FHIT: variants seen among roughly 807,000 people sequenced by gnomAD.
The protein encoded by FHIT is bis(5'-adenosyl)-triphosphatase.
Under a neutral mutation model 17.9 loss-of-function variants are expected in FHIT, and 19 were observed. The observed-to-expected ratio is 1.06, with a 90% CI of 0.74 to 1.56. The LOEUF (loss-of-function observed/expected upper bound fraction) is 1.56, where lower values mean the gene tolerates loss of function less well. Ranked by LOEUF, FHIT falls within the 40% of genes most tolerant of loss-of-function variation. FHIT has a pLI of 0.00. For missense variants in FHIT, 248 were observed against 189.2 expected (o/e 1.31, Z -1.82); for synonymous variants, 81 against 69.7 (o/e 1.16, Z -0.81).
chr3:59,763,972 C>G (rs1180752844), intron 8 of FHIT, among the ~76,000 whole-genome samples: 1 of 152,164 alleles, frequency 6.6e-6, no homozygotes, highest in African/African-American at 2.4e-5. Flanking sequence ...CTACTTTGTG[C>G]TAGGCGCAGA....
chr3:60,384,203 G>A (rs1335823373), intron 5 of FHIT, among the ~76,000 whole-genome samples: 5 of 151,680 alleles, frequency 3.3e-5, no homozygotes, highest in Non-Finnish European at 7.4e-5. Context: ...GGGAGGCAAA[G>A]GTTGTGGTGA....
intron 4 of FHIT, among the ~76,000 whole-genome samples, chr3:60,736,541 C>A (rs2042136654): frequency 6.6e-6 from 1 of 152,114 alleles, no homozygotes. Context: ...AAGCTAGTCA[C>A]AAAGACCACA....
At chr3:60,233,509 G>A (rs1048847011) in intron 5 of FHIT, among the ~76,000 whole-genome samples, 3 of 151,920 alleles carry the variant, frequency 2.0e-5, no homozygotes, top group African/African-American at 4.8e-5. Context: ...GCTACCTAAA[G>A]CACCTTCCCT....
chr3:59,974,698 C>G (rs1708334051), intron 7 of FHIT, among the ~76,000 whole-genome samples: 1 of 152,010 alleles, frequency 6.6e-6, no homozygotes, highest in African/African-American at 2.4e-5. Flanking sequence ...GCAGCCAAGC[C>G]CAATAAATGT....
chr3:60,314,467 A>G (rs1709080496), intron 5 of FHIT, among the ~76,000 whole-genome samples: 1 of 152,190 alleles, frequency 6.6e-6, no homozygotes, highest in African/African-American at 2.4e-5. Flanking sequence ...AGAAAAAATC[A>G]TAATTTTTCA....
intron 5 of FHIT, among the ~76,000 whole-genome samples, chr3:60,351,969 C>G (rs1287716777): frequency 6.6e-6 from 1 of 152,176 alleles, no homozygotes; most frequent in African/African-American, 2.4e-5. Flanking sequence ...TGCTAACATC[C>G]TGTGCAATCT....
intron 5 of FHIT, among the ~76,000 whole-genome samples, chr3:60,182,415 C>T (rs533978811): frequency 1.3e-5 from 2 of 152,304 alleles, no homozygotes; most frequent in South Asian, 4.1e-4. Context: ...AGCAGACGCT[C>T]TCCTTCATAT....
chr3:59,829,780 G>A (rs1161706683), intron 8 of FHIT, among the ~76,000 whole-genome samples: 1 of 152,150 alleles, frequency 6.6e-6, no homozygotes, highest in Non-Finnish European at 1.5e-5. Context: ...TACAGAGGCT[G>A]CAGGCCCAGG....
At chr3:60,244,299 G>T (rs1020314273) in intron 5 of FHIT, among the ~76,000 whole-genome samples, 5 of 151,954 alleles carry the variant, frequency 3.3e-5, no homozygotes, top group African/African-American at 1.2e-4. Flanking sequence ...ATAAATGTAT[G>T]GGGGGAGGGA....
chr3:60,105,945 T>A (rs1293144998), intron 5 of FHIT, among the ~76,000 whole-genome samples: 2 of 152,188 alleles, frequency 1.3e-5, no homozygotes, highest in Non-Finnish European at 1.5e-5. Context: ...TACCCTTGGT[T>A]AACCATGGTC....
At chr3:59,852,981 T>A (rs1427074699) in intron 8 of FHIT, among the ~76,000 whole-genome samples, 1 of 152,204 alleles carries the variant, frequency 6.6e-6, no homozygotes, top group Non-Finnish European at 1.5e-5. Context: ...AAGACTGCTA[T>A]GAACATTCAT....
intron 2 of FHIT, among the ~76,000 whole-genome samples, chr3:61,061,621 C>G (rs1423382853): frequency 6.6e-6 from 1 of 151,752 alleles, no homozygotes; most frequent in Non-Finnish European, 1.5e-5. Context: ...ACACACAGCT[C>G]AGCAATGATG....
chr3:61,010,489 T>C (rs1324374471), intron 3 of FHIT, among the ~76,000 whole-genome samples: 1 of 152,198 alleles, frequency 6.6e-6, no homozygotes, highest in African/African-American at 2.4e-5. Context: ...AAACTAATGT[T>C]TAGAAAGGTT....
At chr3:60,333,663 T>A (rs1390583757) in intron 5 of FHIT, among the ~76,000 whole-genome samples, 3 of 152,240 alleles carry the variant, frequency 2.0e-5, no homozygotes, top group Non-Finnish European at 2.9e-5. Context: ...TCCTACATAT[T>A]GAAACCAACC....
intron 8 of FHIT, among the ~76,000 whole-genome samples, chr3:59,866,271 G>A (rs1019690456): frequency 1.3e-5 from 2 of 152,156 alleles, no homozygotes; most frequent in Non-Finnish European, 2.9e-5. Context: ...TCCACGCAGA[G>A]GAAGTGGCCA....
chr3:61,023,098 C>T (rs1017328526), intron 3 of FHIT, among the ~76,000 whole-genome samples: 8 of 152,172 alleles, frequency 5.3e-5, no homozygotes, highest in African/African-American at 1.4e-4. Flanking sequence ...AAAACCCCAT[C>T]GTCTCAGCCC....
chr3:60,377,644 G>A (rs1485594248), intron 5 of FHIT, among the ~76,000 whole-genome samples: 1 of 145,454 alleles, frequency 6.9e-6, no homozygotes, highest in Admixed American at 6.9e-5. Context: ...ACCGCGCCCG[G>A]CTAATTTTTT....
chr3:61,117,646 A>C (rs1248106089), intron 2 of FHIT, among the ~76,000 whole-genome samples: 1 of 152,208 alleles, frequency 6.6e-6, no homozygotes. Context: ...GCTAATTTTT[A>C]TCTGACGAGT....
chr3:60,300,695 C>G lies in FHIT; in HGVS notation c.103+236165G>C, dbSNP rs559588247. On this transcript the variant is annotated intron_variant, in intron 5 of 9. Coordinates refer to ENST00000492590, the MANE Select transcript of FHIT (RefSeq NM_002012.4). ...CCTGCCTACTTCCCACTTGCTCCAA[C>G]AAAACCCAGTTGTTTCCAGTTTGTC... Among the ~76,000 whole-genome samples the G allele has an allele frequency of 2.4e-4, 36 of 152,248 alleles. No homozygotes were observed. The South Asian group carries it at 4.8e-3, about 20-fold the overall frequency.
Sources: gnomAD v4.1 joint callset for allele counts (sites outside exome capture counted in the v4.1 genomes callset) on GRCh38, gnomAD v4.1.1 for gene constraint, MANE v1.5 for transcripts, NCBI Gene and HGNC (gene_info 2026-07-23, HGNC 2026-07-21) for gene names.